The following FAM171A1 variants were observed in gnomAD, a reference collection of about 807,000 sequenced individuals.
FAM171A1 encodes the protein protein FAM171A1.
FAM171A1 carries 23 observed loss-of-function variants against 74.9 expected under a neutral mutation model. That is an observed-to-expected ratio of 0.31 (90% CI 0.22 to 0.44). The LOEUF (loss-of-function observed/expected upper bound fraction) is 0.44. Ranked by LOEUF, FAM171A1 falls within the 20% of genes least tolerant of loss-of-function variation. FAM171A1 has a pLI of 1.00. For synonymous variants in FAM171A1, 527 were observed against 505.7 expected, an observed-to-expected ratio of 1.04 and a Z score of -0.57; for missense variants, 1,162 against 1,159.2, an observed-to-expected ratio of 1.00 and a Z score of -0.03.
chr10:15,259,670 CT>C (rs781024032), intron 3 of FAM171A1, among the ~76,000 whole-genome samples: 1 of 152,114 alleles, frequency 6.6e-6, no homozygotes, highest in Non-Finnish European at 1.5e-5. Context: ...CAAAGTCATT[CT>C]GCTTGTAAGA....
chr10:15,302,152 T>C (rs1238616070), intron 1 of FAM171A1, among the ~76,000 whole-genome samples: 1 of 152,132 alleles, frequency 6.6e-6, no homozygotes, highest in African/African-American at 2.4e-5. Flanking sequence ...TGCCAGCCAC[T>C]CTGCTCCATT....
At chr10:15,235,618 C>T (rs551656212) in intron 5 of FAM171A1, among the ~76,000 whole-genome samples, 1 of 149,138 alleles carries the variant, frequency 6.7e-6, no homozygotes, top group Non-Finnish European at 1.5e-5. Flanking sequence ...GGTTCATTCT[C>T]ATTTGTCCTA....
intron 4 of FAM171A1, among the ~76,000 whole-genome samples, chr10:15,250,899 G>T (rs774003736): frequency 6.6e-6 from 1 of 152,204 alleles, no homozygotes; most frequent in Non-Finnish European, 1.5e-5. Flanking sequence ...GTCCAAGTAC[G>T]TAGGTAGCAG....
At chr10:15,315,248 G>A (rs947698960) in intron 1 of FAM171A1, among the ~76,000 whole-genome samples, 2 of 152,148 alleles carry the variant, frequency 1.3e-5, no homozygotes, top group Non-Finnish European at 2.9e-5. Context: ...CTGGAGCCAA[G>A]CTGCTCTGTC....
At chr10:15,312,814 C>T (rs1245852210) in intron 1 of FAM171A1, among the ~76,000 whole-genome samples, 1 of 149,458 alleles carries the variant, frequency 6.7e-6, no homozygotes, top group African/African-American at 2.5e-5. Context: ...TCTCCTGCCT[C>T]AGCCTCCTGA....
intron 1 of FAM171A1, among the ~76,000 whole-genome samples, chr10:15,351,566 A>ATGATGGATGGATGGAT (rs1835876822): frequency 1.2e-4 from 3 of 24,060 alleles, no homozygotes; most frequent in Non-Finnish European, 1.1e-4. Context: ...GAAAGTAGGG[A>ATGATGGATGGATGGAT]CGATGGATGG....
At chr10:15,338,986 G>A (rs1208793652) in intron 1 of FAM171A1, among the ~76,000 whole-genome samples, 5 of 152,100 alleles carry the variant, frequency 3.3e-5, no homozygotes, top group African/African-American at 9.7e-5. Flanking sequence ...TGATCCACCC[G>A]CCTTGGCCTC....
At chr10:15,266,251 G>C (rs1834738631) in intron 3 of FAM171A1, among the ~76,000 whole-genome samples, 1 of 152,208 alleles carries the variant, frequency 6.6e-6, no homozygotes, top group Admixed American at 6.5e-5. Context: ...CCCAGGAAAA[G>C]AAAGGGGACG....
chr10:15,221,170 T>C (rs1834034902), intron 5 of FAM171A1, 110 bp from the exon 6 acceptor site: 3 of 878,762 alleles, frequency 3.4e-6, no homozygotes, highest in Admixed American at 6.2e-5. Context: ...GTTTATGACC[T>C]ATAAGATAAC....
chr10:15,277,424 A>T (rs922579804), intron 2 of FAM171A1, among the ~76,000 whole-genome samples: 3 of 152,176 alleles, frequency 2.0e-5, no homozygotes, highest in Non-Finnish European at 4.4e-5. Flanking sequence ...GGGTTTCACC[A>T]TGTTGGCCAG....
intron 1 of FAM171A1, among the ~76,000 whole-genome samples, chr10:15,299,121 G>C (rs45445395): frequency 6.6e-6 from 1 of 152,018 alleles, no homozygotes; most frequent in Non-Finnish European, 1.5e-5. Context: ...GTTTCGCCAC[G>C]TTGGCCAGGC....
At position 15,325,737 on chromosome 10, in the gene FAM171A1, C is replaced by T. The variant is rs187420237; in HGVS notation, c.98-41632G>A. On this transcript the variant is annotated intron_variant, in intron 1 of 7. Transcript: ENST00000378116. ...TATCTCCATGTTACACGCTCATCTTCGCCCACGGTCGTGCTTGGCTTCCAC... is the reference window on the plus strand; with the variant it reads ...TATCTCCATGTTACACGCTCATCTTTGCCCACGGTCGTGCTTGGCTTCCAC... 3.3e-3 allele frequency among the ~76,000 whole-genome samples: 504 copies of T among 152,174 alleles called. 1 individual carries two copies. Among genetic ancestry groups the T allele is most frequent in the Non-Finnish European group, 3.9e-3 (265 of 68,014 alleles).
intron 1 of FAM171A1, among the ~76,000 whole-genome samples, chr10:15,363,849 A>T (rs538713679): frequency 6.6e-6 from 1 of 152,120 alleles, no homozygotes; most frequent in South Asian, 2.1e-4. Flanking sequence ...CTATTCCCCA[A>T]CAGATGCAGT....
intron 1 of FAM171A1, among the ~76,000 whole-genome samples, chr10:15,304,552 T>C (rs1485081964): frequency 6.6e-6 from 1 of 152,192 alleles, no homozygotes; most frequent in African/African-American, 2.4e-5. Flanking sequence ...CCGCATACCC[T>C]GCCTTGTCCA....
chr10:15,251,683 A>G (rs1834510728), intron 4 of FAM171A1, among the ~76,000 whole-genome samples: 1 of 152,014 alleles, frequency 6.6e-6, no homozygotes, highest in African/African-American at 2.4e-5. Flanking sequence ...AAGTGCTGGG[A>G]TTACAGGTGT....
At chr10:15,233,974 T>C (rs145816086) in intron 5 of FAM171A1, among the ~76,000 whole-genome samples, 4 of 151,214 alleles carry the variant, frequency 2.6e-5, no homozygotes, top group African/African-American at 9.7e-5. Flanking sequence ...TTTACGTAAA[T>C]GATCACACTT....
chr10:15,243,890 A>C (rs1417954263), intron 5 of FAM171A1, among the ~76,000 whole-genome samples: 1 of 152,146 alleles, frequency 6.6e-6, no homozygotes, highest in Non-Finnish European at 1.5e-5. Flanking sequence ...AGCTGGGACT[A>C]CAGGCGCCCG....
chr10:15,360,587 A>G (rs1835981858), intron 1 of FAM171A1, among the ~76,000 whole-genome samples: 1 of 152,188 alleles, frequency 6.6e-6, no homozygotes, highest in Non-Finnish European at 1.5e-5. Context: ...TTTCTGTCAC[A>G]GGGATGGGTG....
chr10:15,221,987 C>T (rs1402714802), intron 5 of FAM171A1, among the ~76,000 whole-genome samples: 5 of 152,172 alleles, frequency 3.3e-5, no homozygotes, highest in African/African-American at 1.2e-4. Flanking sequence ...GGCTATTTCC[C>T]AGCCAAAAAT....
Sources: allele counts gnomAD v4.1 joint callset (sites outside exome capture counted in the v4.1 genomes callset), GRCh38; gene constraint gnomAD v4.1.1; transcripts MANE v1.5; gene names NCBI Gene and HGNC (gene_info 2026-07-23, HGNC 2026-07-21).